RBFOX1: variants seen among roughly 807,000 people sequenced by gnomAD.
RBFOX1 encodes the protein RNA binding fox-1 homolog 1.
In RBFOX1, 8 loss-of-function variants were observed where a neutral mutation model predicts 57.7. The observed-to-expected ratio is 0.14, with a 90% confidence interval of 0.08 to 0.25. The LOEUF is 0.25. RBFOX1 is among the 10% of genes least tolerant of loss of function. The pLI, the probability that RBFOX1 is intolerant of heterozygous loss-of-function variation, is 1.00. For synonymous variants in RBFOX1, 326 were observed against 222.4 expected (o/e 1.47, Z -4.15); for missense variants, 611 against 548.5 (o/e 1.11, Z -1.14).
Position 6,733,785 on chromosome 16 carries a change from G to A in RBFOX1, c.-16+79135G>A, listed in dbSNP as rs550171044. Among the ~76,000 whole-genome samples, 3 of 152,282 alleles carry A rather than the reference G, an allele frequency of 2.0e-5. No individual in the cohort carries two copies. In the East Asian group the frequency reaches 5.8e-4, roughly 29 times the overall value. The stretch of plus-strand genomic sequence containing the variant: ...AAAAAAATTCTGACCTCTGAAATCT[G>A]ACAAAGCTGGGTTCTACTACCATCT... On this transcript the variant is annotated intron_variant, in intron 3 of 15. Transcript: ENST00000550418.
At chr16:6,049,338 C>A (rs941534762) in intron 1 of RBFOX1, among the ~76,000 whole-genome samples, 1 of 151,672 alleles carries the variant, frequency 6.6e-6, no homozygotes. Context: ...AAAAAAAATT[C>A]TTTATTAAAT....
At position 5,282,308 on chromosome 16, in the gene RBFOX1, G is replaced by A. The variant is rs548204153; in HGVS notation, c.219+42203G>A. Among the ~76,000 whole-genome samples, 115 of 152,320 alleles carry A rather than the reference G, an allele frequency of 7.5e-4. 1 individual carries two copies. Among genetic ancestry groups the A allele is most frequent in the African/African-American group, 2.5e-3 (104 of 41,562 alleles). On this transcript the variant is annotated intron_variant, in intron 1 of 2. Transcript: ENST00000585867. ...TTGTAAATTTCCCAGTCTTGAATGT[G>A]TCTTTATCAGCTGTGTGAAAATGGA...
chr16:5,629,878 G>A (rs371382482), intron 3 of RBFOX1, among the ~76,000 whole-genome samples: 1 of 152,184 alleles, frequency 6.6e-6, no homozygotes, highest in Admixed American at 6.5e-5. Context: ...GTCTTCTTGA[G>A]TAGGAAAGTA....
chr16:7,470,465 A>G (rs548020683), intron 4 of RBFOX1, among the ~76,000 whole-genome samples: 2 of 151,930 alleles, frequency 1.3e-5, no homozygotes, highest in South Asian at 2.1e-4. Flanking sequence ...GGATGAGTGG[A>G]TGGATGGATG....
chr16:6,925,808 C>G (rs1229998327), intron 3 of RBFOX1, among the ~76,000 whole-genome samples: 1 of 151,890 alleles, frequency 6.6e-6, no homozygotes, highest in African/African-American at 2.4e-5. Flanking sequence ...TAAAATAAGC[C>G]TGGCGAAATT....
At chr16:6,705,718 G>A (rs924541626) in intron 3 of RBFOX1, among the ~76,000 whole-genome samples, 1 of 152,036 alleles carries the variant, frequency 6.6e-6, no homozygotes, top group African/African-American at 2.4e-5. Flanking sequence ...AATAAAGAGG[G>A]ATAAAATTAT....
chr16:6,669,565 A>G (rs1018371060), intron 3 of RBFOX1, among the ~76,000 whole-genome samples: 1 of 152,200 alleles, frequency 6.6e-6, no homozygotes, highest in African/African-American at 2.4e-5. Context: ...TTTCATATAC[A>G]TTATGAAAAA....
chr16:6,576,614 G>A (rs181319885), intron 2 of RBFOX1, among the ~76,000 whole-genome samples: 199 of 152,018 alleles, frequency 1.3e-3, no homozygotes, highest in Admixed American at 2.5e-3. Flanking sequence ...CAACTGGGAG[G>A]AAATAACAGC....
intron 1 of RBFOX1, among the ~76,000 whole-genome samples, chr16:5,396,058 C>G (rs1443047428): frequency 1.3e-5 from 2 of 152,198 alleles, no homozygotes; most frequent in East Asian, 1.9e-4. Flanking sequence ...ATGCCTAGAC[C>G]TGTGACCTGT....
intron 4 of RBFOX1, among the ~76,000 whole-genome samples, chr16:7,427,248 A>G (rs895497890): frequency 2.0e-5 from 3 of 152,204 alleles, no homozygotes; most frequent in African/African-American, 7.2e-5. Flanking sequence ...CATGTACCCT[A>G]GAACTTAAAG....
chr16:5,697,104 A>C (rs2151473264), intron 3 of RBFOX1, among the ~76,000 whole-genome samples: 1 of 152,228 alleles, frequency 6.6e-6, no homozygotes, highest in Admixed American at 6.5e-5. Flanking sequence ...GTGAAGGGGT[A>C]GTTTTTTCTC....
chr16:7,325,377 T>C (rs897369760), intron 4 of RBFOX1, among the ~76,000 whole-genome samples: 2 of 152,186 alleles, frequency 1.3e-5, no homozygotes, highest in Non-Finnish European at 1.5e-5. Flanking sequence ...GTGGTCTATG[T>C]GGTTTAATGT....
chr16:5,606,061 G>C (rs1472824350), intron 3 of RBFOX1, among the ~76,000 whole-genome samples: 1 of 152,138 alleles, frequency 6.6e-6, no homozygotes, highest in African/African-American at 2.4e-5. Flanking sequence ...GAGGTTGCCC[G>C]TGGCATGTCT....
At chr16:6,846,501 A>G (rs190065202) in intron 3 of RBFOX1, among the ~76,000 whole-genome samples, 2 of 152,320 alleles carry the variant, frequency 1.3e-5, no homozygotes, top group East Asian at 3.9e-4. Context: ...ACCACAGCAA[A>G]TGAAACAAAA....
intron 1 of RBFOX1, among the ~76,000 whole-genome samples, chr16:5,421,796 A>C (rs1476008425): frequency 6.6e-6 from 1 of 152,228 alleles, no homozygotes; most frequent in Non-Finnish European, 1.5e-5. Context: ...GAGCCTAAGA[A>C]ACCCAATAGA....
intron 1 of RBFOX1, among the ~76,000 whole-genome samples, chr16:5,321,008 A>G (rs1187762369): frequency 1.3e-5 from 2 of 152,036 alleles, no homozygotes; most frequent in Non-Finnish European, 2.9e-5. Flanking sequence ...TTTTATTTCC[A>G]CGTGTTGCTG....
chr16:7,371,159 C>G (rs1035296006), intron 4 of RBFOX1, among the ~76,000 whole-genome samples: 1 of 152,176 alleles, frequency 6.6e-6, no homozygotes, highest in Non-Finnish European at 1.5e-5. Flanking sequence ...CCTTCTCCCT[C>G]CCAAACTGGC....
At chr16:7,511,138 T>A (rs2074972832) in intron 4 of RBFOX1, among the ~76,000 whole-genome samples, 1 of 152,220 alleles carries the variant, frequency 6.6e-6, no homozygotes, top group South Asian at 2.1e-4. Flanking sequence ...CTTTGCCTTC[T>A]CAGTGAAAGT....
intron 4 of RBFOX1, among the ~76,000 whole-genome samples, chr16:7,288,135 C>A (rs1303800412): frequency 1.3e-5 from 2 of 152,110 alleles, no homozygotes; most frequent in African/African-American, 2.4e-5. Flanking sequence ...ACAGGGAAAT[C>A]CTAGAGTGGT....
Sources: gnomAD v4.1 joint callset for allele counts (sites outside exome capture counted in the v4.1 genomes callset) on GRCh38, gnomAD v4.1.1 for gene constraint, MANE v1.5 for transcripts, NCBI Gene and HGNC (gene_info 2026-07-23, HGNC 2026-07-21) for gene names.